SMAP2: variants seen among roughly 807,000 people sequenced by gnomAD.
The protein encoded by SMAP2 is stromal membrane-associated protein 2.
In SMAP2, 25 loss-of-function variants were observed where a neutral mutation model predicts 56.4. That is an observed-to-expected ratio of 0.44 (90% CI 0.32 to 0.62). The LOEUF (loss-of-function observed/expected upper bound fraction) is 0.62, where lower values mean the gene tolerates loss of function less well. Ranked by LOEUF, SMAP2 falls within the 20% of genes least tolerant of loss-of-function variation. The pLI, the probability that SMAP2 is intolerant of heterozygous loss-of-function variation, is 0.04. For synonymous variants in SMAP2, 157 were observed against 181.7 expected (o/e 0.86, Z 1.09); for missense variants, 388 against 545.6 (o/e 0.71, Z 2.88).
At chr1:40,373,324 A>G (rs1046717456), upstream of SMAP2, among the ~76,000 whole-genome samples, 2 of 152,156 alleles carry the variant, frequency 1.3e-5, no homozygotes, top group Non-Finnish European at 2.9e-5. Flanking sequence ...GTTGGAAAAA[A>G]CAAGCTGGAG....
chr1:40,375,347 T>C (rs932791202), intron 1 of SMAP2, among the ~76,000 whole-genome samples: 7 of 152,228 alleles, frequency 4.6e-5, no homozygotes, highest in Admixed American at 3.9e-4. Context: ...AGTGGGCATA[T>C]ACTATAAAAC....
At chr1:40,359,426 T>G (rs1407078575) in intron 1 of SMAP2, among the ~76,000 whole-genome samples, 1 of 152,206 alleles carries the variant, frequency 6.6e-6, no homozygotes, top group Non-Finnish European at 1.5e-5. Flanking sequence ...AGTAAGTTTC[T>G]TGTATGCAAC....
rs551122958 is a variant in SMAP2 at position 40,386,698 on chromosome 1, G to A, written c.103+12475G>A. 2.4e-4 allele frequency among the ~76,000 whole-genome samples: 36 copies of A among 152,074 alleles called. No homozygotes were observed. The highest frequency in any genetic ancestry group is 4.3e-4 in the Non-Finnish European group (29 of 68,040). On this transcript the variant is annotated intron_variant, in intron 1 of 9. Coordinates refer to ENST00000372718, the MANE Select transcript of SMAP2 (RefSeq NM_022733.3). The surrounding 1 kb of genome is among the most constrained non-coding windows in gnomAD (Gnocchi z 4.1). Reference sequence around the variant, plus strand: ...TGGGATTTTAGGAGCTGGGGAGATAGGAGGATCCCTGTGCTTATAATCTAA... The same window carrying A: ...TGGGATTTTAGGAGCTGGGGAGATAAGAGGATCCCTGTGCTTATAATCTAA...
chr1:40,358,577 G>T (rs959918290), intron 1 of SMAP2, among the ~76,000 whole-genome samples: 4 of 152,042 alleles, frequency 2.6e-5, no homozygotes, highest in African/African-American at 9.7e-5. Flanking sequence ...CACACAAAGT[G>T]CTGGGATTAC....
chr1:40,379,371 G>A (rs1234938366), intron 1 of SMAP2, among the ~76,000 whole-genome samples: 1 of 152,046 alleles, frequency 6.6e-6, no homozygotes, highest in Non-Finnish European at 1.5e-5. Flanking sequence ...TATGCAAATG[G>A]TAGCATATTA....
chr1:40,372,796 A>T (rs1644505536), upstream of SMAP2, among the ~76,000 whole-genome samples: 1 of 152,154 alleles, frequency 6.6e-6, no homozygotes, highest in Non-Finnish European at 1.5e-5. Flanking sequence ...ACCTTTTAAA[A>T]CCACAAATCG....
chr1:40,360,701 A>G (rs1644456261), intron 1 of SMAP2, among the ~76,000 whole-genome samples: 1 of 152,210 alleles, frequency 6.6e-6, no homozygotes, highest in Non-Finnish European at 1.5e-5. Context: ...GAAGGAGAGC[A>G]CAGTGATTGT....
At chr1:40,398,234 A>C (rs183079720) in intron 1 of SMAP2, among the ~76,000 whole-genome samples, 20 of 151,884 alleles carry the variant, frequency 1.3e-4, no homozygotes, top group Non-Finnish European at 2.1e-4. Context: ...ACATTTATTT[A>C]TTTATTTATT....
At chr1:40,421,038 C>CTT (rs749926230) in intron 9 of SMAP2, among the ~76,000 whole-genome samples, 1 of 133,286 alleles carries the variant, frequency 7.5e-6, no homozygotes. Flanking sequence ...ATAGCTGCAG[C>CTT]TTTTTTTTTT....
chr1:40,409,974 G>C (rs1644919220), intron 4 of SMAP2, 139 bp downstream of exon 4: 1 of 621,604 alleles, frequency 1.6e-6, no homozygotes, highest in Non-Finnish European at 2.9e-6. Flanking sequence ...CAGGTGTGGT[G>C]GCTCATCCCC....
At chr1:40,393,387 G>T (rs1644736026) in intron 1 of SMAP2, 16 of 1,535,568 alleles carry the variant, frequency 1.0e-5, no homozygotes, top group Non-Finnish European at 1.4e-5. Context: ...GAGCGCCGTG[G>T]GAGTTGGAAT....
intron 1 of SMAP2, among the ~76,000 whole-genome samples, chr1:40,392,368 A>C (rs1366146782): frequency 6.6e-6 from 1 of 151,772 alleles, no homozygotes; most frequent in Admixed American, 6.6e-5. Flanking sequence ...GTCAGTCCCT[A>C]TCCTTAGGTC....
chr1:40,393,357 G>A (rs1178487539), intron 1 of SMAP2: 1 of 1,534,490 alleles, frequency 6.5e-7, no homozygotes, highest in Non-Finnish European at 8.7e-7. Context: ...AAATGAGTGA[G>A]TGCAGCAGGA....
intron 1 of SMAP2, among the ~76,000 whole-genome samples, chr1:40,346,878 C>A (rs1644387829): frequency 6.6e-6 from 1 of 151,824 alleles, no homozygotes. Flanking sequence ...TTTTTAGAGA[C>A]AAACTCTTGC....
rs1000777832 is a variant in SMAP2, at chr1:40,421,995, G to A, written c.1184G>A (p.Gly395Glu). ...TTTCAGATGACCCAGCAGATGGCTGGGATGAACTTCTATGGAGCCAATGGC... is the reference window on the plus strand; with the variant it reads ...TTTCAGATGACCCAGCAGATGGCTGAGATGAACTTCTATGGAGCCAATGGC... ...NLTQMTQQMA[G>E]MNFYGANGMM... Residue 395 changes from glycine (G) to glutamate (E), a missense_variant, in exon 10 of 10, where the codon GGG becomes GAG. Physicochemically the swap from Gly to Glu is moderately conservative, Grantham distance 98 (BLOSUM62 -2). Coordinates refer to ENST00000372718, the MANE Select transcript of SMAP2 (RefSeq NM_022733.3). 2 of 1,614,046 alleles carry A rather than the reference G, an allele frequency of 1.2e-6. No homozygotes were observed. Among genetic ancestry groups the A allele is most frequent in the African/African-American group, 2.7e-5 (2 of 74,922 alleles).
rs1196022951 is a variant in SMAP2 at position 40,408,581 on chromosome 1, G to T, written c.238-72G>T. On this transcript the variant is annotated intron_variant, in intron 2 of 9. Coordinates refer to ENST00000372718, the MANE Select transcript of SMAP2 (RefSeq NM_022733.3). This position sits in a 1 kb window ranked among gnomAD's most constrained non-coding sequence, Gnocchi z 4.3. ...TTGGTTCTTCAATTGTACAGTAGTG[G>T]AATTGGGTGAGAAGTTTTTCAGTTC... 1 of 1,301,038 alleles carries T rather than the reference G, an allele frequency of 7.7e-7. No homozygotes were observed. The highest frequency in any genetic ancestry group is 1.5e-5 in the African/African-American group (1 of 68,632). The allele number at this position is 1,301,038 out of a possible 1,614,324, so 80.6% of individuals were successfully genotyped here. A position where few individuals can be genotyped will look rare whatever the true frequency, so the allele number is the denominator to read the frequency against.
chr1:40,373,308 T>C (rs949615766), upstream of SMAP2, among the ~76,000 whole-genome samples: 2 of 152,106 alleles, frequency 1.3e-5, no homozygotes, highest in African/African-American at 2.4e-5. Flanking sequence ...ACTCTTATAT[T>C]TGGCTGTTGG....
At chr1:40,403,642 T>A (rs1384590398) in intron 1 of SMAP2, 1 of 984,728 alleles carries the variant, frequency 1.0e-6, no homozygotes, top group African/African-American at 1.7e-5. Flanking sequence ...CTATACCACA[T>A]CCTTATATAT....
At position 40,374,626 on chromosome 1, in the gene SMAP2, A is replaced by T. The variant is rs201070867; in HGVS notation, c.103+403A>T. The T allele has an allele frequency of 7.4e-3, 6,838 of 922,966 alleles. 29 individuals are homozygous for T. The highest frequency in any genetic ancestry group is 0.024 in the East Asian group (601 of 25,420). The allele number at this position is 922,966 out of a possible 1,614,324, so 57.2% of individuals were successfully genotyped here. A position where few individuals can be genotyped will look rare whatever the true frequency, so the allele number is the denominator to read the frequency against. ...GTGTGTGTGTGTGTGTGTGTGTGTG[A>T]GAGAGAGAGAGAGAGAATGACGAGG... On this transcript the variant is annotated intron_variant, in intron 1 of 9. Transcript: ENST00000372718. The surrounding 1 kb of genome is among the most constrained non-coding windows in gnomAD (Gnocchi z 5.9).
Sources: gnomAD v4.1 joint callset for allele counts (sites outside exome capture counted in the v4.1 genomes callset) on GRCh38, gnomAD v4.1.1 for gene constraint, Gnocchi (gnomAD v3.1) non-coding constraint, MANE v1.5 for transcripts, NCBI Gene and HGNC (gene_info 2026-07-23, HGNC 2026-07-21) for gene names.